Variants in OSBPL6 observed in about 807,000 individuals in gnomAD.
OSBPL6 encodes oxysterol binding protein like 6.
A neutral mutation model predicts 125.8 loss-of-function variants in OSBPL6; 49 were observed. The ratio of observed to expected loss-of-function variants is 0.39; its 90% CI spans 0.31 to 0.49. The LOEUF (loss-of-function observed/expected upper bound fraction) is 0.49, where lower values mean the gene tolerates loss of function less well. Among genes scored for constraint, OSBPL6 ranks in the 20% least tolerant of loss-of-function variants. The probability of loss-of-function intolerance (pLI) is 0.88; values close to 1 mark genes in which losing one functional copy is unlikely to be tolerated. For missense variants in OSBPL6, 986 were observed against 1,135.4 expected (o/e 0.87, Z 1.89); for synonymous variants, 394 against 391.8 (o/e 1.01, Z -0.07).
chr2:178,236,444 G>T (rs1230248098), intron 1 of OSBPL6, among the ~76,000 whole-genome samples: 1 of 152,196 alleles, frequency 6.6e-6, no homozygotes, highest in Non-Finnish European at 1.5e-5. Flanking sequence ...TGCACTTGCA[G>T]CCCTTTTGGG....
chr2:178,318,190 C>A, intron 3 of OSBPL6, among the ~76,000 whole-genome samples: 1 of 152,126 alleles, frequency 6.6e-6, no homozygotes, highest in Non-Finnish European at 1.5e-5. Flanking sequence ...ATCAATGGAC[C>A]ACTTGATGGG....
At chr2:178,227,448 G>A (rs1410825072) in intron 1 of OSBPL6, among the ~76,000 whole-genome samples, 1 of 152,120 alleles carries the variant, frequency 6.6e-6, no homozygotes, top group Admixed American at 6.5e-5. Flanking sequence ...TACTCTTTCA[G>A]GTTTACATAT....
intron 1 of OSBPL6, among the ~76,000 whole-genome samples, chr2:178,241,323 A>T (rs2091282637): frequency 6.6e-6 from 1 of 151,934 alleles, no homozygotes; most frequent in South Asian, 2.1e-4. Flanking sequence ...CACGTTGGCC[A>T]GGATGGTCTT....
At chr2:178,300,279 C>T (rs535423035) in intron 2 of OSBPL6, among the ~76,000 whole-genome samples, 6 of 152,146 alleles carry the variant, frequency 3.9e-5, no homozygotes, top group Non-Finnish European at 8.8e-5. Flanking sequence ...TCAGATGTTC[C>T]TCATAGACAA....
intron 14 of OSBPL6, among the ~76,000 whole-genome samples, chr2:178,373,226 G>T (rs1214190597): frequency 6.6e-6 from 1 of 152,098 alleles, no homozygotes; most frequent in Non-Finnish European, 1.5e-5. Context: ...CCAGAATCTA[G>T]AAGTATTTCT....
chr2:178,363,854 C>A (rs1056962688), intron 13 of OSBPL6, among the ~76,000 whole-genome samples: 5 of 152,072 alleles, frequency 3.3e-5, no homozygotes, highest in African/African-American at 9.7e-5. Flanking sequence ...TAATTTGGAA[C>A]TATTAAGTTT....
intron 1 of OSBPL6, among the ~76,000 whole-genome samples, chr2:178,236,196 A>G (rs527648780): frequency 2.6e-5 from 4 of 152,346 alleles, no homozygotes; most frequent in Admixed American, 2.0e-4. Context: ...AGCTAAAATG[A>G]TGATGAAATA....
In OSBPL6 at chr2:178,389,148, G is replaced by A. The variant is rs974764739; in HGVS notation, c.2296G>A (p.Val766Ile). Residue 766 changes from valine (V) to isoleucine (I), a missense_variant, in exon 21 of 25, where the codon GTC (valine) becomes ATC (isoleucine). Val to Ile is a conservative substitution (Grantham distance 29). Coordinates refer to ENST00000190611, the MANE Select transcript of OSBPL6 (RefSeq NM_032523.4). ...SSVCICKLTF[V>I]KVNYWNSNMN... is the part of the protein sequence containing the mutation. ...TGTTTGCATTTGCAAACTCACATTTGTCAAGGTAAATACTATCATACAACA... is the reference window on the plus strand; with the variant it reads ...TGTTTGCATTTGCAAACTCACATTTATCAAGGTAAATACTATCATACAACA... 8.1e-6 allele frequency: 13 copies of A among 1,613,274 alleles called. No individual in the cohort carries two copies. The highest frequency in any genetic ancestry group is 1.3e-5 in the African/African-American group (1 of 74,920).
chr2:178,378,146 T>A (rs6724982), intron 15 of OSBPL6, among the ~76,000 whole-genome samples: 3 of 151,950 alleles, frequency 2.0e-5, no homozygotes, highest in African/African-American at 7.3e-5. Flanking sequence ...ACCTTTTGTA[T>A]CCCTCTTTCC....
At chr2:178,324,341 C>T (rs1688511078) in intron 4 of OSBPL6, 72 bp downstream of exon 4, 4 of 1,129,830 alleles carry the variant, frequency 3.5e-6, no homozygotes, top group East Asian at 2.6e-5. Context: ...CTGTGAATAA[C>T]GTTTACACCT....
intron 12 of OSBPL6, among the ~76,000 whole-genome samples, chr2:178,353,755 ACTC>A (rs771190038): frequency 6.6e-6 from 1 of 152,138 alleles, no homozygotes; most frequent in Non-Finnish European, 1.5e-5. Context: ...CCACAAAGAT[ACTC>A]CTCAACAAGA....
intron 3 of OSBPL6, among the ~76,000 whole-genome samples, chr2:178,312,942 C>T (rs190483772): frequency 2.6e-4 from 39 of 152,012 alleles, no homozygotes; most frequent in Non-Finnish European, 5.1e-4. Context: ...GTTGCCCAGG[C>T]TAGAGTGCAA....
intron 15 of OSBPL6, among the ~76,000 whole-genome samples, chr2:178,375,599 T>C (rs1693801188): frequency 6.6e-6 from 1 of 152,032 alleles, no homozygotes; most frequent in Non-Finnish European, 1.5e-5. Context: ...ATTTTGTTTT[T>C]TTTAGTAGAG....
At chr2:178,283,006 A>G (rs1327036943) in intron 1 of OSBPL6, among the ~76,000 whole-genome samples, 2 of 152,180 alleles carry the variant, frequency 1.3e-5, no homozygotes, top group Non-Finnish European at 1.5e-5. Flanking sequence ...CTGTAATTAA[A>G]TGAGATTAAA....
chr2:178,304,479 C>G (rs1686579006), intron 2 of OSBPL6, among the ~76,000 whole-genome samples: 1 of 152,222 alleles, frequency 6.6e-6, no homozygotes, highest in African/African-American at 2.4e-5. Flanking sequence ...GTAACCGCCC[C>G]CAAGATCAAA....
At chr2:178,379,322 G>GA (rs1694213915) in intron 15 of OSBPL6, among the ~76,000 whole-genome samples, 1 of 88,862 alleles carries the variant, frequency 1.1e-5, no homozygotes, top group Non-Finnish European at 2.2e-5. Flanking sequence ...AGGAAGGAAG[G>GA]AAGGAAAGGA....
At chr2:178,226,747 A>C (rs981479057) in intron 1 of OSBPL6, among the ~76,000 whole-genome samples, 1 of 152,202 alleles carries the variant, frequency 6.6e-6, no homozygotes, top group African/African-American at 2.4e-5. Flanking sequence ...TGTTAGAAGG[A>C]AAATGTTAAG....
chr2:178,217,218 A>G (rs55937235), intron 1 of OSBPL6, among the ~76,000 whole-genome samples: 15,511 of 152,224 alleles, frequency 0.1, 942 homozygotes, highest in African/African-American at 0.17. Flanking sequence ...GTGAAAGGGA[A>G]AGAGGAGTGT....
chr2:178,261,828 C>T (rs1410129643), intron 1 of OSBPL6, among the ~76,000 whole-genome samples: 1 of 152,164 alleles, frequency 6.6e-6, no homozygotes, highest in Non-Finnish European at 1.5e-5. Flanking sequence ...ACTTTGAACA[C>T]TTTCTTGGAA....
Sources: allele counts gnomAD v4.1 joint callset (sites outside exome capture counted in the v4.1 genomes callset), GRCh38; gene constraint gnomAD v4.1.1; transcripts MANE v1.5; gene names NCBI Gene and HGNC (gene_info 2026-07-23, HGNC 2026-07-21).